The following NOLC1 variants were observed in gnomAD, a reference collection of about 807,000 sequenced individuals.
NOLC1 encodes nucleolar and coiled-body phosphoprotein 1, also known as 140 kDa nucleolar phosphoprotein.
A neutral mutation model predicts 73.4 loss-of-function variants in NOLC1; 37 were observed. That is an observed-to-expected ratio of 0.50 (90% CI 0.39 to 0.66). The LOEUF is 0.66. Ranked by LOEUF, NOLC1 falls within the 30% of genes least tolerant of loss-of-function variation. The pLI, the probability that NOLC1 is intolerant of heterozygous loss-of-function variation, is 0.00. For synonymous variants in NOLC1, 327 were observed against 302.6 expected (o/e 1.08, Z -0.84); for missense variants, 921 against 838.9 (o/e 1.10, Z -1.21).
intron 1 of NOLC1, among the ~76,000 whole-genome samples, chr10:102,156,403 T>G (rs577764834): frequency 6.6e-6 from 1 of 151,780 alleles, no homozygotes; most frequent in East Asian, 1.9e-4. Context: ...ATAACAGGCA[T>G]AAGCCACTGT....
chr10:102,158,018 C>T (rs1180311046), intron 4 of NOLC1, 31 bp from the exon 5 acceptor site: 5 of 1,597,156 alleles, frequency 3.1e-6, no homozygotes, highest in Non-Finnish European at 4.3e-6. Context: ...GAAGCTTTTG[C>T]TGATTTCTCT....
intron 7 of NOLC1, 45 bp from the exon 8 acceptor site, chr10:102,159,851 G>C: frequency 6.8e-7 from 1 of 1,471,256 alleles, no homozygotes. Context: ...ATCAAAAAAA[G>C]TTGTAGACAT....
chr10:102,160,081 A>G (rs2069674143), intron 8 of NOLC1, 57 bp downstream of exon 8: 2 of 1,596,708 alleles, frequency 1.3e-6, no homozygotes, highest in South Asian at 1.1e-5. Flanking sequence ...GGGATGAGGA[A>G]TAAGGGAGAG....
intron 1 of NOLC1, among the ~76,000 whole-genome samples, chr10:102,153,879 G>C (rs1286886033): frequency 1.3e-5 from 2 of 151,172 alleles, no homozygotes; most frequent in Non-Finnish European, 2.9e-5. Flanking sequence ...CACCATGTTG[G>C]CCAGGCTGGT....
chr10:102,162,284 C>G lies in NOLC1; in HGVS notation c.*15C>G, dbSNP rs765942242. On this transcript the variant is annotated 3_prime_UTR_variant, in exon 13 of 13. Transcript: ENST00000605788. ...ACAGCGAGTGACCTGAGGCCATCTTCGGTGAAGCAAGGGTGATGATCGGAG... is the reference window on the plus strand; with the variant it reads ...ACAGCGAGTGACCTGAGGCCATCTTGGGTGAAGCAAGGGTGATGATCGGAG... The G allele has an allele frequency of 6.2e-7, 1 of 1,612,124 alleles. No homozygotes were observed. The highest frequency in any genetic ancestry group is 1.3e-5 in the African/African-American group (1 of 74,966).
chr10:102,156,364 A>C (rs2069593814), intron 1 of NOLC1, among the ~76,000 whole-genome samples: 2 of 151,310 alleles, frequency 1.3e-5, no homozygotes, highest in Admixed American at 1.3e-4. Flanking sequence ...CTCCTGTCTC[A>C]GCTTCCCAAA....
In NOLC1 at chr10:102,161,644, A is replaced by T. The variant is rs1039601551; in HGVS notation, c.1830A>T (p.Thr610=). The change falls in exon 11 of 13, where the codon ACA becomes ACT. Residue 610 remains threonine (T), a synonymous_variant. Transcript: ENST00000605788. ...AGATAAAGCTTCAGACCCCTAACAC[A>T]TTTCCAAAAAGGAAGAAAGTAAGTT... The part of the protein sequence containing the change: ...AKKIKLQTPN[T]FPKRKKGEKR... 1.9e-6 allele frequency: 3 copies of T among 1,613,532 alleles called. No individual in the cohort carries two copies. In the African/African-American group the frequency reaches 4.0e-5, roughly 22 times the overall value.
At chr10:102,154,833 C>A (rs1203892296) in intron 1 of NOLC1, among the ~76,000 whole-genome samples, 7 of 151,734 alleles carry the variant, frequency 4.6e-5, no homozygotes, top group Admixed American at 4.6e-4. Flanking sequence ...CTGGCCTGAT[C>A]CTGTACTCTT....
chr10:102,162,082 C>T, intron 12 of NOLC1, 29 bp from the exon 13 acceptor site: 1 of 1,611,366 alleles, frequency 6.2e-7, no homozygotes, highest in Non-Finnish European at 8.5e-7. Context: ...TGGTCCTCCT[C>T]TGTGTTAATC....
Position 102,162,437 on chromosome 10 carries a change from T to G in NOLC1, c.*168T>G. 1 of 579,240 alleles carries G rather than the reference T, an allele frequency of 1.7e-6. No homozygotes were observed. Among genetic ancestry groups the G allele is most frequent in the East Asian group, 3.0e-5 (1 of 33,486 alleles). 35.9% of individuals were successfully genotyped at this position (579,240 alleles called of 1,614,324 possible). ...CATCCTCTCTGGTCCTTTTCTGTGT[T>G]CCTAGTTTTGTACAGACTTGTTTTT... On this transcript the variant is annotated 3_prime_UTR_variant, in exon 13 of 13. Transcript: ENST00000605788.
intron 1 of NOLC1, among the ~76,000 whole-genome samples, chr10:102,156,618 A>G (rs2069599409): frequency 6.6e-6 from 1 of 151,732 alleles, no homozygotes; most frequent in Non-Finnish European, 1.5e-5. Flanking sequence ...TTGTTTTAGT[A>G]GAGATGGGGT....
intron 1 of NOLC1, 107 bp downstream of exon 1, chr10:102,152,637 G>A (rs2069525540): frequency 6.6e-7 from 1 of 1,503,774 alleles, no homozygotes; most frequent in African/African-American, 1.4e-5. Flanking sequence ...CGCCAGTCCA[G>A]TGTCTGCAAG....
At chr10:102,154,238 A>ATTTTTT (rs71016366) in intron 1 of NOLC1, among the ~76,000 whole-genome samples, 4 of 126,416 alleles carry the variant, frequency 3.2e-5, no homozygotes, top group Non-Finnish European at 5.0e-5. Flanking sequence ...TGCCTGGCTA[A>ATTTTTT]TTTTTTTTTT....
chr10:102,160,418 G>C (rs758175469), intron 9 of NOLC1, 34 bp from the exon 10 acceptor site: 1 of 1,612,306 alleles, frequency 6.2e-7, no homozygotes, highest in East Asian at 2.2e-5. Context: ...AATCCAATTT[G>C]GGGAGCTGTT....
chr10:102,160,547 GCAGTGAAGC>G lies in NOLC1; in HGVS notation c.1199_1207del (p.Val400_Pro402del). 1 of 1,614,222 alleles carries G rather than the reference GCAGTGAAGC, an allele frequency of 6.2e-7. No homozygotes were observed. The highest frequency in any genetic ancestry group is 8.5e-7 in the Non-Finnish European group (1 of 1,180,046). On this transcript the variant is annotated inframe_deletion, in exon 10 of 13. Transcript: ENST00000605788. ...GCCAGCTGTCACCACCAAGTCACCTGCAGTGAAGCCAGCTGCAGCCCCCAAGCAACCTGT... is the reference window on the plus strand; with the variant it reads ...GCCAGCTGTCACCACCAAGTCACCTGCAGCTGCAGCCCCCAAGCAACCTGT...
rs1564971287 is a variant in NOLC1, at chr10:102,160,442, C to A, written c.1100-10C>A. The stretch of plus-strand genomic sequence containing the variant: ...TGGGGAGCTGTTGATTCCATCCCTT[C>A]TGTGTCTAGACTCTGACAGCTCTGA... On this transcript the variant is annotated splice_polypyrimidine_tract_variant and intron_variant, in intron 9 of 12. Transcript: ENST00000605788. The A allele has an allele frequency of 1.2e-6, 2 of 1,612,488 alleles. No individual in the cohort carries two copies. Among genetic ancestry groups the A allele is most frequent in the South Asian group, 2.2e-5 (2 of 90,992 alleles).
Position 102,157,285 on chromosome 10 carries a change from C to CGAG in NOLC1, c.285_287dup (p.Glu96dup), listed in dbSNP as rs770615112. 1.6e-5 allele frequency: 26 copies of CGAG among 1,613,966 alleles called. No homozygotes were observed. The highest frequency in any genetic ancestry group is 2.7e-5 in the African/African-American group (2 of 74,980). ...CATCCAGTGACAGTGAGGACAGCAG[C>CGAG]GAGGAGGAGGAGGAAGTTCAAGGGC... On this transcript the variant is annotated inframe_insertion, in exon 3 of 13. Transcript: ENST00000605788.
intron 11 of NOLC1, 24 bp downstream of exon 11, chr10:102,161,686 A>G: frequency 1.3e-6 from 2 of 1,595,282 alleles, no homozygotes; most frequent in Non-Finnish European, 1.7e-6. Flanking sequence ...CTTTCTTCTC[A>G]GGAGCCAGCT....
At position 102,159,821 on chromosome 10, in the gene NOLC1, C is replaced by T. The variant is rs1181844984; in HGVS notation, c.860-75C>T. The T allele has an allele frequency of 3.6e-6, 5 of 1,398,394 alleles. No individual in the cohort carries two copies. The African/African-American group carries it at 5.8e-5, about 16-fold the overall frequency. 86.6% of individuals were successfully genotyped at this position (1,398,394 alleles called of 1,614,324 possible). A position where few individuals can be genotyped will look rare whatever the true frequency, so the allele number is the denominator to read the frequency against. ...ACTCAAGTGAAGGGGAATTAAGCTT[C>T]ATTTCTACAAGAAAGTAGTATCAAA... On this transcript the variant is annotated intron_variant, in intron 7 of 12. Coordinates refer to ENST00000605788, the MANE Select transcript of NOLC1 (RefSeq NM_004741.5).
Sources: allele counts gnomAD v4.1 joint callset (sites outside exome capture counted in the v4.1 genomes callset), GRCh38; gene constraint gnomAD v4.1.1; transcripts MANE v1.5; gene names NCBI Gene and HGNC (gene_info 2026-07-23, HGNC 2026-07-21).